The following NFASC variants were observed in gnomAD, a reference collection of about 807,000 sequenced individuals.
The protein encoded by NFASC is neurofascin.
In NFASC, 43 loss-of-function variants were observed where a neutral mutation model predicts 147.5. The observed-to-expected ratio is 0.29, with a 90% CI of 0.23 to 0.38. The LOEUF (loss-of-function observed/expected upper bound fraction) is 0.38, where lower values mean the gene tolerates loss of function less well. Ranked by LOEUF, NFASC falls within the 10% of genes least tolerant of loss-of-function variation. The probability of loss-of-function intolerance (pLI) is 1.00; values close to 1 mark genes in which losing one functional copy is unlikely to be tolerated. For missense variants in NFASC, 1,320 were observed against 1,689.0 expected, an observed-to-expected ratio of 0.78 and a Z score of 3.83; for synonymous variants, 622 against 665.5, an observed-to-expected ratio of 0.93 and a Z score of 1.01.
At chr1:204,851,503 T>G (rs1222725627) in intron 1 of NFASC, among the ~76,000 whole-genome samples, 1 of 151,954 alleles carries the variant, frequency 6.6e-6, no homozygotes, top group African/African-American at 2.4e-5. Flanking sequence ...TGGCCAATTT[T>G]TGTGTTTTTA....
intron 25 of NFASC, chr1:205,000,847 C>A: frequency 2.9e-6 from 1 of 342,008 alleles, no homozygotes; most frequent in Non-Finnish European, 5.5e-6. Flanking sequence ...AAACAGAAAA[C>A]AAAAAAACTC....
intron 1 of NFASC, among the ~76,000 whole-genome samples, chr1:204,862,388 C>T (rs1262154418): frequency 2.0e-5 from 3 of 152,172 alleles, no homozygotes; most frequent in African/African-American, 2.4e-5. Context: ...TATAGCTTCC[C>T]AAGGGGACTT....
chr1:204,965,178 G>A (rs1407977236), intron 8 of NFASC, among the ~76,000 whole-genome samples: 1 of 152,166 alleles, frequency 6.6e-6, no homozygotes, highest in African/African-American at 2.4e-5. Context: ...GAAGATCAGG[G>A]CGAATAACCA....
chr1:204,954,312 G>C lies in NFASC; in HGVS notation c.340G>C (p.Gly114Arg), dbSNP rs896433084. ...RSGGRPEEYEGEYQCFARNKF... is the reference protein window; with the variant it reads ...RSGGRPEEYEREYQCFARNKF... ...TGGCGGGCGGCCGGAGGAATATGAG[G>C]GGGAATATCAGTGCTTCGCCCGCAA... Residue 114 changes from glycine (G) to arginine (R), a missense_variant, in exon 6 of 30, where the codon GGG becomes CGG. Transcript: ENST00000339876. The surrounding 1 kb of genome is among the most constrained non-coding windows in gnomAD (Gnocchi z 5.7). 6.2e-7 allele frequency: 1 copy of C among 1,614,218 alleles called. No homozygotes were observed.
intron 15 of NFASC, 27 bp from the exon 16 acceptor site, chr1:204,976,644 C>T: frequency 1.9e-6 from 3 of 1,582,958 alleles, no homozygotes; most frequent in African/African-American, 1.3e-5. Context: ...ACCCCCTCCT[C>T]CCAACCCTTC....
chr1:204,975,619 C>T lies in NFASC; in HGVS notation c.1706+201C>T, dbSNP rs558115885. Among the ~76,000 whole-genome samples, 1 of 150,436 alleles carries T rather than the reference C, an allele frequency of 6.6e-6. No individual in the cohort carries two copies. Among genetic ancestry groups the T allele is most frequent in the Non-Finnish European group, 1.5e-5 (1 of 67,210 alleles). The stretch of plus-strand genomic sequence containing the variant: ...CCCCCACCGACCCTGTACAACCTCC[C>T]TCTCTCCCACCAGCTCCCTGCTTCT... On this transcript the variant is annotated intron_variant, in intron 15 of 29. Transcript: ENST00000339876. This position sits in a 1 kb window ranked among gnomAD's most constrained non-coding sequence, Gnocchi z 4.0.
intron 1 of NFASC, among the ~76,000 whole-genome samples, chr1:204,914,620 G>C (rs2088674113): frequency 6.6e-6 from 1 of 152,188 alleles, no homozygotes; most frequent in Non-Finnish European, 1.5e-5. Flanking sequence ...CTTACTTATA[G>C]TAAGAGAACC....
intron 12 of NFASC, among the ~76,000 whole-genome samples, chr1:204,973,916 A>G (rs1199172027): frequency 2.0e-5 from 3 of 152,150 alleles, no homozygotes; most frequent in Non-Finnish European, 4.4e-5. Context: ...TGGGGCAGCT[A>G]TGGAACCTGC....
At chr1:204,839,911 C>T (rs1674811426) in intron 1 of NFASC, among the ~76,000 whole-genome samples, 1 of 152,140 alleles carries the variant, frequency 6.6e-6, no homozygotes. Flanking sequence ...GGTGATGTGG[C>T]TCCCCATGAT....
intron 1 of NFASC, among the ~76,000 whole-genome samples, chr1:204,839,035 G>A (rs1227797975): frequency 6.6e-6 from 1 of 152,206 alleles, no homozygotes; most frequent in Non-Finnish European, 1.5e-5. Flanking sequence ...GATTTCCTGT[G>A]TCTCTGTTCT....
Position 205,015,130 on chromosome 1 carries a change from T to C in NFASC, c.3492-1178T>C, listed in dbSNP as rs529592683. Among the ~76,000 whole-genome samples the C allele has an allele frequency of 8.1e-4, 124 of 152,328 alleles. No homozygotes were observed. The highest frequency in any genetic ancestry group is 8.5e-4 in the Non-Finnish European group (58 of 68,008). On this transcript the variant is annotated intron_variant, in intron 29 of 29. Coordinates refer to ENST00000339876, the MANE Select transcript of NFASC (RefSeq NM_001005388.3). The surrounding 1 kb of genome is among the most constrained non-coding windows in gnomAD (Gnocchi z 4.0). ...CAGCTGTCTTTGCCCGACACTGCTA[T>C]TAGAAGTGAGAACGCACTGCCCACT...
At chr1:204,857,324 G>A (rs2076239227) in intron 1 of NFASC, among the ~76,000 whole-genome samples, 1 of 152,186 alleles carries the variant, frequency 6.6e-6, no homozygotes. Flanking sequence ...TCTCGATTCT[G>A]CTTCCCATAC....
chr1:204,920,554 T>C, intron 1 of NFASC, 78 bp from the exon 2 acceptor site: 3 of 675,508 alleles, frequency 4.4e-6, no homozygotes, highest in Non-Finnish European at 6.7e-6. Context: ...ATGAGCAAGC[T>C]GCAAACCACA....
At chr1:204,833,048 G>A (rs1276905049) in intron 1 of NFASC, among the ~76,000 whole-genome samples, 2 of 152,212 alleles carry the variant, frequency 1.3e-5, no homozygotes, top group Non-Finnish European at 2.9e-5. Context: ...TGGCTGTGCG[G>A]GGTGCTTGAG....
At chr1:204,947,467 A>G (rs1207273957) in intron 3 of NFASC, among the ~76,000 whole-genome samples, 2 of 152,196 alleles carry the variant, frequency 1.3e-5, no homozygotes, top group African/African-American at 4.8e-5. Flanking sequence ...TCTCGAGGGC[A>G]GGGGCACTGC....
At chr1:204,876,011 G>C (rs1230023145) in intron 1 of NFASC, among the ~76,000 whole-genome samples, 1 of 152,178 alleles carries the variant, frequency 6.6e-6, no homozygotes, top group Non-Finnish European at 1.5e-5. Flanking sequence ...AGTCATTTGG[G>C]ATGTATTGTC....
chr1:204,947,800 T>C (rs929633649), intron 3 of NFASC, among the ~76,000 whole-genome samples: 13 of 152,236 alleles, frequency 8.5e-5, no homozygotes, highest in Admixed American at 2.6e-4. Flanking sequence ...AAACAATTCC[T>C]TCCCACCTTC....
At chr1:204,962,807 C>G (rs1411832204) in intron 8 of NFASC, among the ~76,000 whole-genome samples, 2 of 152,188 alleles carry the variant, frequency 1.3e-5, no homozygotes, top group African/African-American at 4.8e-5. Flanking sequence ...ATATGCAAAT[C>G]AAATGCCCAC....
chr1:204,973,239 C>T (rs746558138), intron 11 of NFASC, 37 bp from the exon 12 acceptor site: 1 of 1,611,318 alleles, frequency 6.2e-7, no homozygotes, highest in Non-Finnish European at 8.5e-7. Flanking sequence ...CCTGCCCTCC[C>T]CATCTCTCAT....
Sources: gnomAD v4.1 joint callset for allele counts (sites outside exome capture counted in the v4.1 genomes callset) on GRCh38, gnomAD v4.1.1 for gene constraint, Gnocchi (gnomAD v3.1) non-coding constraint, MANE v1.5 for transcripts, NCBI Gene and HGNC (gene_info 2026-07-23, HGNC 2026-07-21) for gene names.